The following HS6ST3 variants were observed in gnomAD, a reference collection of about 807,000 sequenced individuals.
The protein encoded by HS6ST3 is heparan-sulfate 6-O-sulfotransferase 3.
In HS6ST3, 12 loss-of-function variants were observed where a neutral mutation model predicts 36.7. That is an observed-to-expected ratio of 0.33 (90% confidence interval 0.21 to 0.53). The LOEUF (loss-of-function observed/expected upper bound fraction) is 0.53. HS6ST3 is among the 20% of genes least tolerant of loss of function. The pLI, the probability that HS6ST3 is intolerant of heterozygous loss-of-function variation, is 0.95. For missense variants in HS6ST3, 584 were observed against 640.9 expected, an observed-to-expected ratio of 0.91 and a Z score of 0.96; for synonymous variants, 240 against 257.5, an observed-to-expected ratio of 0.93 and a Z score of 0.65.
intron 1 of HS6ST3, among the ~76,000 whole-genome samples, chr13:96,682,944 C>T (rs1490773855): frequency 6.6e-6 from 1 of 151,942 alleles, no homozygotes. Flanking sequence ...AATTAATTAC[C>T]TTTAGGTATT....
chr13:96,259,651 C>G (rs867933041), intron 1 of HS6ST3, among the ~76,000 whole-genome samples: 1 of 152,156 alleles, frequency 6.6e-6, no homozygotes, highest in Non-Finnish European at 1.5e-5. Context: ...ACAACCCCAA[C>G]CTGTCATCTT....
chr13:96,157,742 T>C (rs549897706), intron 1 of HS6ST3, among the ~76,000 whole-genome samples: 3 of 152,214 alleles, frequency 2.0e-5, no homozygotes, highest in African/African-American at 7.2e-5. Context: ...GTTTTTGTGG[T>C]TTTACATAAT....
intron 1 of HS6ST3, among the ~76,000 whole-genome samples, chr13:96,830,770 A>T (rs1475530483): frequency 6.6e-6 from 1 of 152,124 alleles, no homozygotes; most frequent in African/African-American, 2.4e-5. Flanking sequence ...TTTTCAGAAT[A>T]TTGAGGGGCT....
intron 1 of HS6ST3, among the ~76,000 whole-genome samples, chr13:96,680,517 G>T (rs952451874): frequency 6.6e-6 from 1 of 152,064 alleles, no homozygotes; most frequent in African/African-American, 2.4e-5. Context: ...GGGGTTAGAG[G>T]GAAGAGGACA....
intron 1 of HS6ST3, among the ~76,000 whole-genome samples, chr13:96,458,585 T>A (rs1309693318): frequency 6.6e-6 from 1 of 151,368 alleles, no homozygotes; most frequent in Non-Finnish European, 1.5e-5. Context: ...TGGAATAGGT[T>A]CTAAGGGACT....
rs140227680 is a variant in HS6ST3, at chr13:96,426,598, C to T, written c.707+335029C>T. On this transcript the variant is annotated intron_variant, in intron 1 of 1. Transcript: ENST00000376705. Reference sequence around the variant, plus strand: ...AAAGGGACTAGAGGAAATTAAAATCCGAGACAGTAAGTCATTTGACTTTTT... The same window carrying T: ...AAAGGGACTAGAGGAAATTAAAATCTGAGACAGTAAGTCATTTGACTTTTT... Among the ~76,000 whole-genome samples, 52 of 152,184 alleles carry T rather than the reference C, an allele frequency of 3.4e-4. No homozygotes were observed. In the East Asian group the frequency reaches 8.7e-3, roughly 25 times the overall value.
At chr13:96,559,105 TCTATCTATCTA>T (rs1371348400) in intron 1 of HS6ST3, among the ~76,000 whole-genome samples, 1 of 151,422 alleles carries the variant, frequency 6.6e-6, no homozygotes, top group African/African-American at 2.4e-5. Context: ...TATCTATCTA[TCTATCTATCTA>T]TCTATCTATT....
In HS6ST3 at chr13:96,549,955, T is replaced by C. The variant is rs1380564761; in HGVS notation, c.708-282535T>C. ...ATGCACTAGGTACATTCTTTTGTCA[T>C]CTCCCTTGTCACATTGTATGTTCTC... On this transcript the variant is annotated intron_variant, in intron 1 of 1. Transcript: ENST00000376705. 3.9e-5 allele frequency among the ~76,000 whole-genome samples: 6 copies of C among 152,306 alleles called. No homozygotes were observed. In the East Asian group the frequency reaches 1.2e-3, roughly 29 times the overall value.
At chr13:96,395,081 T>A (rs961668478) in intron 1 of HS6ST3, among the ~76,000 whole-genome samples, 7 of 152,208 alleles carry the variant, frequency 4.6e-5, no homozygotes, top group African/African-American at 1.2e-4. Flanking sequence ...GAAAAGCTTC[T>A]GGCTAATGCA....
intron 1 of HS6ST3, among the ~76,000 whole-genome samples, chr13:96,355,965 A>C (rs1042846600): frequency 3.3e-5 from 5 of 152,196 alleles, no homozygotes; most frequent in South Asian, 2.1e-4. Flanking sequence ...CTTCACCATG[A>C]GTAGTTTCCA....
intron 1 of HS6ST3, among the ~76,000 whole-genome samples, chr13:96,609,134 T>C (rs2056448980): frequency 6.6e-6 from 1 of 151,958 alleles, no homozygotes. Context: ...CACGCCCAGC[T>C]AATTTTTTTG....
At chr13:96,193,038 A>T (rs577601074) in intron 1 of HS6ST3, among the ~76,000 whole-genome samples, 1 of 152,244 alleles carries the variant, frequency 6.6e-6, no homozygotes, top group African/African-American at 2.4e-5. Flanking sequence ...CAGAGCTGCC[A>T]AGTCCATGAC....
intron 1 of HS6ST3, 51 bp from the exon 2 acceptor site, chr13:96,832,439 C>A (rs746551073): frequency 3.7e-6 from 5 of 1,337,628 alleles, no homozygotes; most frequent in African/African-American, 1.5e-5. Context: ...AATTTAGATA[C>A]CTCCTGTTAG....
intron 1 of HS6ST3, among the ~76,000 whole-genome samples, chr13:96,696,035 G>A (rs1251170297): frequency 1.3e-5 from 2 of 152,188 alleles, no homozygotes; most frequent in African/African-American, 4.8e-5. Flanking sequence ...GTGGATGAGA[G>A]AGTTCAATAA....
intron 1 of HS6ST3, among the ~76,000 whole-genome samples, chr13:96,762,850 C>T (rs1276432502): frequency 6.6e-6 from 1 of 152,196 alleles, no homozygotes; most frequent in Admixed American, 6.5e-5. Context: ...CCCTACATGT[C>T]CTTATCTCGT....
intron 1 of HS6ST3, among the ~76,000 whole-genome samples, chr13:96,819,914 A>G (rs897427010): frequency 3.3e-5 from 5 of 151,954 alleles, no homozygotes; most frequent in Non-Finnish European, 7.4e-5. Context: ...CATCTCTACT[A>G]AAAATACAAA....
chr13:96,774,522 C>A (rs1242326335), intron 1 of HS6ST3, among the ~76,000 whole-genome samples: 1 of 152,080 alleles, frequency 6.6e-6, no homozygotes, highest in Non-Finnish European at 1.5e-5. Flanking sequence ...AGCACGAGAA[C>A]TTCGTGAAGC....
chr13:96,518,059 G>A (rs2056079580), intron 1 of HS6ST3, among the ~76,000 whole-genome samples: 1 of 152,076 alleles, frequency 6.6e-6, no homozygotes, highest in Admixed American at 6.6e-5. Context: ...TCTTTTGCAG[G>A]AACATGATGG....
intron 1 of HS6ST3, among the ~76,000 whole-genome samples, chr13:96,301,643 A>G (rs573587456): frequency 1.3e-4 from 20 of 152,160 alleles, no homozygotes; most frequent in Non-Finnish European, 2.4e-4. Context: ...TGTAATCCCA[A>G]CACTTTGGGA....
Sources: gnomAD v4.1 joint callset for allele counts (sites outside exome capture counted in the v4.1 genomes callset) on GRCh38, gnomAD v4.1.1 for gene constraint, MANE v1.5 for transcripts, NCBI Gene and HGNC (gene_info 2026-07-23, HGNC 2026-07-21) for gene names.